Variants in ZBTB20 observed in about 807,000 individuals in gnomAD.
ZBTB20 encodes the protein zinc finger and BTB domain containing 20.
A neutral mutation model predicts 56.9 loss-of-function variants in ZBTB20; 9 were observed. That is an observed-to-expected ratio of 0.16 (90% confidence interval 0.10 to 0.28). ZBTB20 has a LOEUF of 0.28. ZBTB20 is among the 10% of genes least tolerant of loss of function. The pLI, the probability that ZBTB20 is intolerant of heterozygous loss-of-function variation, is 1.00. For synonymous variants in ZBTB20, 417 were observed against 420.7 expected (o/e 0.99, Z 0.11); for missense variants, 655 against 1,003.0 (o/e 0.65, Z 4.69).
At chr3:114,425,268 T>C (rs1387193430) in intron 7 of ZBTB20, among the ~76,000 whole-genome samples, 1 of 152,220 alleles carries the variant, frequency 6.6e-6, no homozygotes, top group Admixed American at 6.5e-5. Context: ...AGCTGTTCTT[T>C]GCTTAAATCA....
intron 6 of ZBTB20, among the ~76,000 whole-genome samples, chr3:114,536,540 T>C (rs1183988550): frequency 6.6e-6 from 1 of 152,080 alleles, no homozygotes; most frequent in Non-Finnish European, 1.5e-5. Flanking sequence ...GAAGAATCAA[T>C]ATCGTGAAAA....
chr3:114,595,841 G>C (rs959714074), intron 6 of ZBTB20, among the ~76,000 whole-genome samples: 2 of 152,198 alleles, frequency 1.3e-5, no homozygotes, highest in Non-Finnish European at 2.9e-5. Context: ...AGAGCTCACA[G>C]CAGTCCAATA....
intron 5 of ZBTB20, among the ~76,000 whole-genome samples, chr3:114,796,543 G>T (rs1356305240): frequency 6.6e-6 from 1 of 151,908 alleles, no homozygotes; most frequent in African/African-American, 2.4e-5. Context: ...TGATCTCCCT[G>T]CTCCATCTCT....
At chr3:114,616,706 C>T (rs1000004596) in intron 6 of ZBTB20, among the ~76,000 whole-genome samples, 2 of 152,194 alleles carry the variant, frequency 1.3e-5, no homozygotes, top group African/African-American at 2.4e-5. Flanking sequence ...CAAAGTCTGT[C>T]CCTGACATCT....
At chr3:114,453,561 T>C (rs2091773843) in intron 7 of ZBTB20, 3 of 152,160 alleles carry the variant, frequency 2.0e-5, no homozygotes. Flanking sequence ...TGGACTTTTG[T>C]TCTTTCTTCC....
At chr3:114,461,647 T>C (rs866142384) in intron 7 of ZBTB20, among the ~76,000 whole-genome samples, 1 of 152,312 alleles carries the variant, frequency 6.6e-6, no homozygotes, top group South Asian at 2.1e-4. Context: ...TAGTGTATCA[T>C]TGCCATTCAG....
chr3:114,734,918 G>T (rs1008215485), intron 5 of ZBTB20, among the ~76,000 whole-genome samples: 1 of 151,944 alleles, frequency 6.6e-6, no homozygotes, highest in African/African-American at 2.4e-5. Flanking sequence ...AGCCTAACAC[G>T]CACATCTTTG....
intron 7 of ZBTB20, among the ~76,000 whole-genome samples, chr3:114,441,492 G>C (rs2090920785): frequency 6.6e-6 from 1 of 152,118 alleles, no homozygotes; most frequent in African/African-American, 2.4e-5. Flanking sequence ...GGCTGCTTCT[G>C]TTTAAGACCC....
intron 5 of ZBTB20, among the ~76,000 whole-genome samples, chr3:114,757,938 T>G (rs1264253339): frequency 6.6e-6 from 1 of 152,156 alleles, no homozygotes; most frequent in South Asian, 2.1e-4. Context: ...GATGTTATAT[T>G]GTTAAAACAT....
intron 1 of ZBTB20, among the ~76,000 whole-genome samples, chr3:115,140,212 G>C (rs956662035): frequency 6.6e-6 from 1 of 151,972 alleles, no homozygotes; most frequent in Non-Finnish European, 1.5e-5. Flanking sequence ...ATTAATGGCC[G>C]CAGTAGAACT....
At chr3:114,796,512 G>A (rs1185132818) in intron 5 of ZBTB20, among the ~76,000 whole-genome samples, 2 of 151,936 alleles carry the variant, frequency 1.3e-5, no homozygotes, top group South Asian at 2.1e-4. Context: ...AGTTAATGGG[G>A]CAGCAGTGTT....
chr3:114,444,097 G>A (rs1185599166), intron 7 of ZBTB20, among the ~76,000 whole-genome samples: 1 of 152,136 alleles, frequency 6.6e-6, no homozygotes, highest in Admixed American at 6.6e-5. Context: ...GATTGTTCCA[G>A]TTTGTAATGT....
chr3:114,776,797 T>C (rs1394982215), intron 5 of ZBTB20, among the ~76,000 whole-genome samples: 1 of 152,148 alleles, frequency 6.6e-6, no homozygotes, highest in African/African-American at 2.4e-5. Flanking sequence ...ATACTGGAGA[T>C]ATTAAGGGCA....
intron 6 of ZBTB20, among the ~76,000 whole-genome samples, chr3:114,563,220 T>G (rs985790379): frequency 6.6e-6 from 1 of 152,202 alleles, no homozygotes; most frequent in Non-Finnish European, 1.5e-5. Context: ...TGACAAAACT[T>G]TCCCATGACT....
At chr3:114,927,292 C>T (rs905122157) in intron 3 of ZBTB20, among the ~76,000 whole-genome samples, 3 of 152,148 alleles carry the variant, frequency 2.0e-5, no homozygotes, top group African/African-American at 4.8e-5. Flanking sequence ...CCTTACGAAC[C>T]GAACCAATGT....
At chr3:114,635,663 A>G (rs1038648024) in intron 6 of ZBTB20, among the ~76,000 whole-genome samples, 3 of 151,988 alleles carry the variant, frequency 2.0e-5, no homozygotes, top group African/African-American at 7.2e-5. Context: ...GAACTGAAAG[A>G]TTCACTAGAG....
intron 5 of ZBTB20, among the ~76,000 whole-genome samples, chr3:114,725,073 C>G (rs2065172736): frequency 6.6e-6 from 1 of 152,086 alleles, no homozygotes; most frequent in Non-Finnish European, 1.5e-5. Flanking sequence ...TTAATAAAGA[C>G]AGTTATAAAG....
At chr3:114,416,396 G>C (rs1411491179) in intron 7 of ZBTB20, among the ~76,000 whole-genome samples, 1 of 150,244 alleles carries the variant, frequency 6.7e-6, no homozygotes, top group East Asian at 2.0e-4. Context: ...TCAAACATTA[G>C]AACAAGTAAC....
intron 6 of ZBTB20, among the ~76,000 whole-genome samples, chr3:114,641,010 G>A (rs964260248): frequency 6.6e-6 from 1 of 151,630 alleles, no homozygotes; most frequent in African/African-American, 2.4e-5. Context: ...CTATTTACTC[G>A]GTGTGCAAAT....
Sources: allele counts gnomAD v4.1 joint callset (sites outside exome capture counted in the v4.1 genomes callset), GRCh38; gene constraint gnomAD v4.1.1; transcripts MANE v1.5; gene names NCBI Gene and HGNC (gene_info 2026-07-23, HGNC 2026-07-21).